PARN: variants seen among roughly 807,000 people sequenced by gnomAD.
The protein encoded by PARN is poly(A)-specific ribonuclease PARN.
PARN carries 71 observed loss-of-function variants against 102.8 expected under a neutral mutation model. The observed-to-expected ratio is 0.69, with a 90% confidence interval of 0.57 to 0.84. The LOEUF is 0.84. Among genes scored for constraint, PARN ranks in the 40% least tolerant of loss-of-function variants. PARN has a pLI of 0.00. For synonymous variants in PARN, 261 were observed against 252.9 expected, an observed-to-expected ratio of 1.03 and a Z score of -0.30; for missense variants, 782 against 760.9, an observed-to-expected ratio of 1.03 and a Z score of -0.33.
intron 21 of PARN, among the ~76,000 whole-genome samples, chr16:14,521,965 C>T (rs1965757532): frequency 6.6e-6 from 1 of 152,182 alleles, no homozygotes. Context: ...AGTACAGTAA[C>T]ATGCTGTACA....
At chr16:14,524,317 C>T (rs903088896) in intron 21 of PARN, among the ~76,000 whole-genome samples, 3 of 152,072 alleles carry the variant, frequency 2.0e-5, no homozygotes, top group Non-Finnish European at 4.4e-5. Flanking sequence ...GCCATCATAC[C>T]CTTGGTCCAT....
chr16:14,502,595 C>G (rs1964680957), intron 21 of PARN, among the ~76,000 whole-genome samples: 1 of 152,184 alleles, frequency 6.6e-6, no homozygotes, highest in East Asian at 1.9e-4. Context: ...CAAAACCAGT[C>G]TCACACCCTA....
intron 21 of PARN, among the ~76,000 whole-genome samples, chr16:14,512,026 G>A (rs1965213857): frequency 6.6e-6 from 1 of 152,168 alleles, no homozygotes; most frequent in Non-Finnish European, 1.5e-5. Flanking sequence ...AAGTAATTCT[G>A]AAAAGTCTCT....
chr16:14,581,606 G>A (rs1017302224), intron 17 of PARN, among the ~76,000 whole-genome samples: 29 of 152,098 alleles, frequency 1.9e-4, no homozygotes, highest in African/African-American at 7.0e-4. Context: ...TAAGTCACGA[G>A]GGAATTAGTG....
chr16:14,552,248 A>C (rs1414061961), intron 20 of PARN, among the ~76,000 whole-genome samples, 153 bp from the exon 21 acceptor site: 1 of 152,234 alleles, frequency 6.6e-6, no homozygotes, highest in Admixed American at 6.5e-5. Flanking sequence ...CCCTACAGAG[A>C]GTTAGCCTGT....
Position 14,487,220 on chromosome 16 carries a change from C to A in PARN, c.1481-4393G>T, listed in dbSNP as rs559678867. On this transcript the variant is annotated intron_variant, in intron 21 of 23. Coordinates refer to ENST00000437198, the MANE Select transcript of PARN (RefSeq NM_002582.4). Reference sequence around the variant, plus strand: ...ACTGAGCATCGGAGAAACTAAACAGCTTGCCTGAGGTCTTGTAGGTAAGCA... The same window carrying A: ...ACTGAGCATCGGAGAAACTAAACAGATTGCCTGAGGTCTTGTAGGTAAGCA... Among the ~76,000 whole-genome samples the A allele has an allele frequency of 2.6e-5, 4 of 152,346 alleles. No individual in the cohort carries two copies. The East Asian group carries it at 7.7e-4, about 29-fold the overall frequency.
In PARN at chr16:14,582,309, A is replaced by G; in HGVS notation, c.1082-18T>C. On this transcript the variant is annotated intron_variant, in intron 16 of 23. Transcript: ENST00000437198. Reference sequence around the variant, plus strand: ...GGCACTTTCTAAGAAAAAAAAGGAAAAAGTTTTCCTCAAAACAAAGACTAG... The same window carrying G: ...GGCACTTTCTAAGAAAAAAAAGGAAGAAGTTTTCCTCAAAACAAAGACTAG... 1.9e-6 allele frequency: 3 copies of G among 1,556,520 alleles called. No individual in the cohort carries two copies. The highest frequency in any genetic ancestry group is 2.7e-6 in the Non-Finnish European group (3 of 1,127,584).
rs1482854220 is a variant in PARN, at chr16:14,514,790, C to A, written c.1481-31963G>T. Reference sequence around the variant, plus strand: ...CGTGGCCAGCTTGTCTTCCAGCTTCCCAAGGGAGAAGGGAGGAAGCAGTGA... The same window carrying A: ...CGTGGCCAGCTTGTCTTCCAGCTTCACAAGGGAGAAGGGAGGAAGCAGTGA... On this transcript the variant is annotated intron_variant, in intron 21 of 23. Transcript: ENST00000437198. Among the ~76,000 whole-genome samples the A allele has an allele frequency of 3.3e-5, 5 of 152,276 alleles. No homozygotes were observed. The East Asian group carries it at 9.6e-4, about 29-fold the overall frequency.
At chr16:14,624,857 G>T (rs1239736806) in intron 5 of PARN, among the ~76,000 whole-genome samples, 1 of 152,158 alleles carries the variant, frequency 6.6e-6, no homozygotes, top group Non-Finnish European at 1.5e-5. Context: ...TTCAAGACCA[G>T]CCTGACCAAC....
chr16:14,455,781 T>C (rs1335058661), intron 22 of PARN, among the ~76,000 whole-genome samples: 1 of 152,344 alleles, frequency 6.6e-6, no homozygotes, highest in East Asian at 1.9e-4. Context: ...GTGATTGGAA[T>C]GTGACCCCTT....
chr16:14,445,255 T>C (rs900937208), intron 23 of PARN, among the ~76,000 whole-genome samples: 1 of 152,142 alleles, frequency 6.6e-6, no homozygotes, highest in Non-Finnish European at 1.5e-5. Flanking sequence ...AAATTCAGCT[T>C]CAGCATAATG....
At chr16:14,595,845 T>G (rs1217064826) in intron 12 of PARN, among the ~76,000 whole-genome samples, 5 of 152,018 alleles carry the variant, frequency 3.3e-5, no homozygotes, top group Admixed American at 3.3e-4. Flanking sequence ...TTTACATTTT[T>G]TGTAGAGAGG....
chr16:14,514,923 A>G (rs1016600694), intron 21 of PARN, among the ~76,000 whole-genome samples: 1 of 152,222 alleles, frequency 6.6e-6, no homozygotes, highest in Non-Finnish European at 1.5e-5. Flanking sequence ...CGTTAAATCA[A>G]GCTGTTAATT....
At chr16:14,523,484 G>A (rs745392836) in intron 21 of PARN, among the ~76,000 whole-genome samples, 10 of 152,126 alleles carry the variant, frequency 6.6e-5, no homozygotes, top group Admixed American at 2.0e-4. Flanking sequence ...CTAACACAAT[G>A]CAATACAATC....
At chr16:14,518,291 CAAAAAAA>C (rs34169116) in intron 21 of PARN, among the ~76,000 whole-genome samples, 1 of 52,264 alleles carries the variant, frequency 1.9e-5, no homozygotes, top group African/African-American at 8.8e-5. Context: ...GACCCTGTCT[CAAAAAAA>C]AAAAAAAAAA....
intron 21 of PARN, among the ~76,000 whole-genome samples, chr16:14,510,075 G>A (rs917469838): frequency 6.6e-6 from 1 of 152,136 alleles, no homozygotes; most frequent in African/African-American, 2.4e-5. Flanking sequence ...AAGGATTCCC[G>A]GATCACCTAA....
At chr16:14,579,073 G>A (rs972427182) in intron 18 of PARN, among the ~76,000 whole-genome samples, 2 of 151,512 alleles carry the variant, frequency 1.3e-5, no homozygotes, top group African/African-American at 4.9e-5. Context: ...TGCAGCTTCC[G>A]CCTCCTGGTT....
At chr16:14,521,027 C>A (rs1168642734) in intron 21 of PARN, among the ~76,000 whole-genome samples, 1 of 152,184 alleles carries the variant, frequency 6.6e-6, no homozygotes, top group Non-Finnish European at 1.5e-5. Context: ...TCTGGTTACA[C>A]AATGCTTTAT....
rs1971364381 is a variant in PARN at position 14,609,091 on chromosome 16, T to C, written c.587A>G (p.Glu196Gly). The change falls in exon 8 of 24, where the codon GAA becomes GGA. Residue 196 changes from glutamate (E) to glycine (G), a missense_variant. Physicochemically the swap from Glu to Gly is moderately conservative, Grantham distance 98 (BLOSUM62 -2). Coordinates refer to ENST00000437198, the MANE Select transcript of PARN (RefSeq NM_002582.4). ...TGGCTCTAAATCCAAGTTCTTGTTT[T>C]CTTCACTTTGTAATAAATCCTCTAT... ...EKIEDLLQSEENKNLDLEPCT... is the reference protein window; with the variant it reads ...EKIEDLLQSEGNKNLDLEPCT... 6 of 1,570,910 alleles carry C rather than the reference T, an allele frequency of 3.8e-6. No individual in the cohort carries two copies. The highest frequency in any genetic ancestry group is 5.2e-6 in the Non-Finnish European group (6 of 1,147,142).
Sources: allele counts gnomAD v4.1 joint callset (sites outside exome capture counted in the v4.1 genomes callset), GRCh38; gene constraint gnomAD v4.1.1; transcripts MANE v1.5; gene names NCBI Gene and HGNC (gene_info 2026-07-23, HGNC 2026-07-21).